The following RBM47 variants were observed in gnomAD, a reference collection of about 807,000 sequenced individuals.
The protein encoded by RBM47 is RNA binding motif protein 47.
RBM47 carries 21 observed loss-of-function variants against 47.1 expected under a neutral mutation model. That is an observed-to-expected ratio of 0.45 (90% CI 0.32 to 0.64). The LOEUF (loss-of-function observed/expected upper bound fraction) is 0.64, where lower values mean the gene tolerates loss of function less well. Ranked by LOEUF, RBM47 falls within the 30% of genes least tolerant of loss-of-function variation. RBM47 has a pLI of 0.05. For synonymous variants in RBM47, 375 were observed against 361.7 expected, an observed-to-expected ratio of 1.04 and a Z score of -0.42; for missense variants, 708 against 870.9, an observed-to-expected ratio of 0.81 and a Z score of 2.35.
rs141527055 is a variant in RBM47 at position 40,460,003 on chromosome 4, G to A, written c.-32+6574C>T. Among the ~76,000 whole-genome samples the A allele has an allele frequency of 1.8e-3, 275 of 152,144 alleles. 1 individual carries two copies. The highest frequency in any genetic ancestry group is 5.9e-3 in the African/African-American group (245 of 41,510). ...ATTCCCAACCTCAGGTGATCCACCCGCCTCGGCCTCTCAAAGTGCTGGGAT... is the reference window on the plus strand; with the variant it reads ...ATTCCCAACCTCAGGTGATCCACCCACCTCGGCCTCTCAAAGTGCTGGGAT... On this transcript the variant is annotated intron_variant, in intron 3 of 6. Coordinates refer to ENST00000295971, the MANE Select transcript of RBM47 (RefSeq NM_001098634.2).
At chr4:40,492,529 A>G (rs915546386) in intron 2 of RBM47, among the ~76,000 whole-genome samples, 2 of 152,214 alleles carry the variant, frequency 1.3e-5, no homozygotes, top group Non-Finnish European at 2.9e-5. Flanking sequence ...AACAAAGCTC[A>G]GGCATGCACC....
intron 2 of RBM47, among the ~76,000 whole-genome samples, chr4:40,504,156 A>T (rs1054983771): frequency 1.3e-5 from 2 of 152,158 alleles, no homozygotes; most frequent in Non-Finnish European, 2.9e-5. Flanking sequence ...TGAGTTAAGC[A>T]TCTTTAAGGT....
chr4:40,514,836 C>T (rs999912153), intron 2 of RBM47: 2 of 152,210 alleles, frequency 1.3e-5, no homozygotes, highest in African/African-American at 4.8e-5. Flanking sequence ...AACCTTGACG[C>T]TGGAAGCGTT....
chr4:40,517,386 T>C (rs1725705227), intron 2 of RBM47, among the ~76,000 whole-genome samples: 1 of 152,006 alleles, frequency 6.6e-6, no homozygotes, highest in African/African-American at 2.4e-5. Flanking sequence ...ATCCACCCGC[T>C]TCGGCCTCCC....
intron 1 of RBM47, among the ~76,000 whole-genome samples, chr4:40,610,506 AG>A (rs1736163739): frequency 6.7e-6 from 1 of 148,512 alleles, no homozygotes; most frequent in Non-Finnish European, 1.5e-5. Context: ...GCTACTCAGG[AG>A]GCTGAGGCCA....
chr4:40,444,114 A>C (rs11735228), intron 3 of RBM47, among the ~76,000 whole-genome samples: 24,866 of 152,026 alleles, frequency 0.16, 2,165 homozygotes, highest in Middle Eastern at 0.22. Context: ...TGGAAGGATC[A>C]CCTGAGCTCA....
chr4:40,444,245 T>C (rs747032650), intron 3 of RBM47, among the ~76,000 whole-genome samples: 3 of 152,158 alleles, frequency 2.0e-5, no homozygotes, highest in Non-Finnish European at 4.4e-5. Context: ...TTCAAGTTAC[T>C]TTGAAAAAGA....
chr4:40,504,562 G>C (rs1262214264), intron 2 of RBM47, among the ~76,000 whole-genome samples: 1 of 152,106 alleles, frequency 6.6e-6, no homozygotes, highest in East Asian at 1.9e-4. Context: ...CAAAGTGCCG[G>C]GATTACAGGC....
At chr4:40,570,200 A>G (rs906584311) in intron 1 of RBM47, among the ~76,000 whole-genome samples, 2 of 152,056 alleles carry the variant, frequency 1.3e-5, no homozygotes, top group East Asian at 1.9e-4. Flanking sequence ...TGGTTTGGGG[A>G]TGATTCAAGC....
At chr4:40,443,079 T>C (rs1713904748) in intron 3 of RBM47, among the ~76,000 whole-genome samples, 1 of 152,212 alleles carries the variant, frequency 6.6e-6, no homozygotes, top group Non-Finnish European at 1.5e-5. Flanking sequence ...AAATATTATA[T>C]GATTCCACTT....
Position 40,628,822 on chromosome 4 carries a change from A to C in RBM47, c.-240+574T>G, listed in dbSNP as rs1037697146. 6.6e-6 allele frequency among the ~76,000 whole-genome samples: 1 copy of C among 152,132 alleles called. No homozygotes were observed. The highest frequency in any genetic ancestry group is 2.4e-5 in the African/African-American group (1 of 41,420). ...CATTTATTTGAAAAATTCCACTTCCATTTATTTTATCTGATTTCTTAAATA... is the reference window on the plus strand; with the variant it reads ...CATTTATTTGAAAAATTCCACTTCCCTTTATTTTATCTGATTTCTTAAATA... On this transcript the variant is annotated intron_variant, in intron 1 of 6. Coordinates refer to ENST00000295971, the MANE Select transcript of RBM47 (RefSeq NM_001098634.2). This position sits in a 1 kb window ranked among gnomAD's most constrained non-coding sequence, Gnocchi z 4.0.
At chr4:40,545,173 T>C (rs1728904365) in intron 1 of RBM47, among the ~76,000 whole-genome samples, 1 of 147,660 alleles carries the variant, frequency 6.8e-6, no homozygotes, top group African/African-American at 2.5e-5. Context: ...TGCCTCAGCC[T>C]CCCAAGTAGC....
chr4:40,539,583 T>C lies in RBM47; in HGVS notation c.-155+4839A>G, dbSNP rs112167685. On this transcript the variant is annotated intron_variant, in intron 2 of 6. Coordinates refer to ENST00000295971, the MANE Select transcript of RBM47 (RefSeq NM_001098634.2). ...TGGTGAAACACGTCTCTACTAAAAA[T>C]ACAAAAATTAGCCGAGCGTGGTGGC... Among the ~76,000 whole-genome samples, 197 of 151,270 alleles carry C rather than the reference T, an allele frequency of 1.3e-3. 1 individual carries two copies. The highest frequency in any genetic ancestry group is 4.6e-3 in the African/African-American group (191 of 41,254).
At chr4:40,545,681 A>ATAAAT (rs1449390173) in intron 1 of RBM47, among the ~76,000 whole-genome samples, 1 of 150,212 alleles carries the variant, frequency 6.7e-6, no homozygotes, top group Non-Finnish European at 1.5e-5. Context: ...AAATAAATAA[A>ATAAAT]TAAATAAATA....
intron 2 of RBM47, among the ~76,000 whole-genome samples, chr4:40,476,988 A>AT (rs1272397383): frequency 6.6e-6 from 1 of 152,166 alleles, no homozygotes; most frequent in African/African-American, 2.4e-5. Flanking sequence ...TCATCCCAGC[A>AT]CTTTGGGAGG....
chr4:40,461,668 C>G, intron 3 of RBM47, among the ~76,000 whole-genome samples: 1 of 152,172 alleles, frequency 6.6e-6, no homozygotes, highest in East Asian at 1.9e-4. Context: ...GTGGCTCATG[C>G]CTGTAATCCC....
intron 2 of RBM47, among the ~76,000 whole-genome samples, chr4:40,503,809 A>C (rs912377962): frequency 2.2e-4 from 33 of 152,180 alleles, no homozygotes; most frequent in African/African-American, 7.2e-4. Flanking sequence ...ACACACACAG[A>C]GGTATGGCCA....
chr4:40,618,267 G>T (rs1736924833), intron 1 of RBM47, among the ~76,000 whole-genome samples: 3 of 151,378 alleles, frequency 2.0e-5, no homozygotes, highest in Admixed American at 6.6e-5. Context: ...TAAAAGAAAA[G>T]AAAAAATGCT....
intron 1 of RBM47, among the ~76,000 whole-genome samples, chr4:40,564,354 A>C (rs752788903): frequency 1.6e-4 from 25 of 152,224 alleles, no homozygotes; most frequent in Non-Finnish European, 3.5e-4. Context: ...GCCAGTCTGG[A>C]TCTCCAAATG....
Sources: allele counts gnomAD v4.1 joint callset (sites outside exome capture counted in the v4.1 genomes callset), GRCh38; gene constraint gnomAD v4.1.1; non-coding constraint Gnocchi (gnomAD v3.1); transcripts MANE v1.5; gene names NCBI Gene and HGNC (gene_info 2026-07-23, HGNC 2026-07-21).